Variants in DNER observed in about 807,000 individuals in gnomAD.
DNER encodes the protein delta/notch like EGF repeat containing.
DNER carries 33 observed loss-of-function variants against 78.2 expected under a neutral mutation model. The ratio of observed to expected loss-of-function variants is 0.42; its 90% CI spans 0.32 to 0.56. The LOEUF (loss-of-function observed/expected upper bound fraction) is 0.56, where lower values mean the gene tolerates loss of function less well. Ranked by LOEUF, DNER falls within the 20% of genes least tolerant of loss-of-function variation. The probability of loss-of-function intolerance (pLI) is 0.11; values close to 1 mark genes in which losing one functional copy is unlikely to be tolerated. For missense variants in DNER, 918 were observed against 975.3 expected (o/e 0.94, Z 0.78); for synonymous variants, 417 against 384.8 (o/e 1.08, Z -0.98).
chr2:229,651,038 T>C (rs1214899442), intron 1 of DNER, among the ~76,000 whole-genome samples: 1 of 152,094 alleles, frequency 6.6e-6, no homozygotes, highest in Non-Finnish European at 1.5e-5. Flanking sequence ...TGCCTAAAGG[T>C]GGCCCCTGAC....
intron 1 of DNER, among the ~76,000 whole-genome samples, chr2:229,675,611 C>A (rs1384952858): frequency 6.6e-6 from 1 of 152,148 alleles, no homozygotes; most frequent in East Asian, 1.9e-4. Context: ...CAGAAGAAAT[C>A]TTGTTATCCT....
chr2:229,705,913 C>A (rs1022052153), intron 1 of DNER, among the ~76,000 whole-genome samples: 1 of 152,176 alleles, frequency 6.6e-6, no homozygotes, highest in East Asian at 1.9e-4. Context: ...TTCCCTGCCT[C>A]ACATACTTCC....
chr2:229,571,954 C>A (rs1697225259), intron 4 of DNER, among the ~76,000 whole-genome samples: 1 of 152,098 alleles, frequency 6.6e-6, no homozygotes, highest in Non-Finnish European at 1.5e-5. Flanking sequence ...CAGCCACCAC[C>A]AGCACCCCCT....
intron 12 of DNER, among the ~76,000 whole-genome samples, chr2:229,365,017 A>G (rs1328516624): frequency 6.6e-6 from 1 of 152,018 alleles, no homozygotes; most frequent in East Asian, 1.9e-4. Context: ...CGTTGCTGTT[A>G]TGATACATTT....
At chr2:229,445,993 T>C (rs1434675232) in intron 8 of DNER, among the ~76,000 whole-genome samples, 3 of 152,172 alleles carry the variant, frequency 2.0e-5, no homozygotes, top group Non-Finnish European at 4.4e-5. Context: ...CTCAGTAACT[T>C]GTTGAGTTAT....
chr2:229,483,541 T>C (rs1008622994), intron 6 of DNER, among the ~76,000 whole-genome samples: 1 of 152,224 alleles, frequency 6.6e-6, no homozygotes, highest in African/African-American at 2.4e-5. Flanking sequence ...AGTTGAAAGA[T>C]AAGATTAAGT....
chr2:229,700,284 A>ATGTG (rs74181354), intron 1 of DNER, among the ~76,000 whole-genome samples: 1,276 of 36,542 alleles, frequency 0.035, 13 homozygotes, highest in Admixed American at 0.053. Context: ...ATGTCAATAT[A>ATGTG]TGTGTGTGTG....
At chr2:229,573,285 T>C (rs868865443) in intron 4 of DNER, among the ~76,000 whole-genome samples, 13 of 152,332 alleles carry the variant, frequency 8.5e-5, no homozygotes, top group South Asian at 4.1e-4. Flanking sequence ...AAAAATATCA[T>C]GGCATTCAAA....
intron 5 of DNER, among the ~76,000 whole-genome samples, chr2:229,525,005 T>A (rs1338640109): frequency 6.6e-6 from 1 of 152,220 alleles, no homozygotes; most frequent in Admixed American, 6.5e-5. Flanking sequence ...GCCGTCTCCA[T>A]GCATCACTCT....
chr2:229,585,332 G>A (rs1697476797), intron 4 of DNER, among the ~76,000 whole-genome samples: 1 of 152,168 alleles, frequency 6.6e-6, no homozygotes, highest in South Asian at 2.1e-4. Context: ...CTGGATTCCA[G>A]AGCCCATGCC....
chr2:229,473,409 G>A (rs2154211220), intron 7 of DNER, among the ~76,000 whole-genome samples: 1 of 152,242 alleles, frequency 6.6e-6, no homozygotes, highest in East Asian at 1.9e-4. Context: ...CCCATTTCTG[G>A]GTTTAGTCTC....
intron 1 of DNER, among the ~76,000 whole-genome samples, chr2:229,609,085 T>C (rs1430964695): frequency 6.6e-6 from 1 of 152,138 alleles, no homozygotes; most frequent in East Asian, 1.9e-4. Flanking sequence ...TAGCCGGGCA[T>C]GGTGGTGAGC....
At chr2:229,526,607 T>A (rs1437392071) in intron 5 of DNER, among the ~76,000 whole-genome samples, 1 of 152,234 alleles carries the variant, frequency 6.6e-6, no homozygotes, top group African/African-American at 2.4e-5. Flanking sequence ...CAGTCTGGAT[T>A]CTTCGCATGC....
chr2:229,387,136 C>T (rs1164129603), intron 11 of DNER, among the ~76,000 whole-genome samples: 1 of 152,118 alleles, frequency 6.6e-6, no homozygotes. Flanking sequence ...CCATGGAATA[C>T]TATGCAGCCA....
chr2:229,708,060 A>G (rs1321695209), intron 1 of DNER, among the ~76,000 whole-genome samples: 1 of 152,100 alleles, frequency 6.6e-6, no homozygotes. Flanking sequence ...CCACATTTGG[A>G]CTCTTTCCAT....
chr2:229,662,220 C>A (rs1000308752), intron 1 of DNER, among the ~76,000 whole-genome samples: 1 of 152,136 alleles, frequency 6.6e-6, no homozygotes, highest in Non-Finnish European at 1.5e-5. Context: ...TCAGAGTCAG[C>A]ACAGCAAAGG....
At chr2:229,540,771 C>T (rs1038536756) in intron 5 of DNER, among the ~76,000 whole-genome samples, 2 of 152,144 alleles carry the variant, frequency 1.3e-5, no homozygotes, top group Non-Finnish European at 2.9e-5. Flanking sequence ...ATAGGCCCAC[C>T]CCTGGGCTCT....
intron 1 of DNER, among the ~76,000 whole-genome samples, chr2:229,710,981 G>GCA (rs1215822693): frequency 6.6e-4 from 53 of 80,698 alleles, no homozygotes; most frequent in South Asian, 8.7e-4. Flanking sequence ...ATGCATACAC[G>GCA]CGCACACACA....
intron 7 of DNER, among the ~76,000 whole-genome samples, chr2:229,454,118 A>G (rs1024661747): frequency 2.0e-5 from 3 of 152,118 alleles, no homozygotes; most frequent in Non-Finnish European, 4.4e-5. Flanking sequence ...ATTCTAGACC[A>G]CTTGACCTCC....
Sources: allele counts gnomAD v4.1 joint callset (sites outside exome capture counted in the v4.1 genomes callset), GRCh38; gene constraint gnomAD v4.1.1; transcripts MANE v1.5; gene names NCBI Gene and HGNC (gene_info 2026-07-23, HGNC 2026-07-21).